The following RP1L1 variants were observed in gnomAD, a reference collection of about 807,000 sequenced individuals.
RP1L1 encodes retinitis pigmentosa 1-like 1 protein.
A neutral mutation model predicts 15.7 loss-of-function variants in RP1L1; 27 were observed. The ratio of observed to expected loss-of-function variants is 1.72; its 90% CI spans 1.27 to 2.38. The LOEUF (loss-of-function observed/expected upper bound fraction) is 2.38, where lower values mean the gene tolerates loss of function less well. Among genes scored for constraint, RP1L1 ranks in the 30% most tolerant of loss-of-function variants. The pLI is 0.00. For synonymous variants in RP1L1, 1,813 were observed against 1,276.7 expected, an observed-to-expected ratio of 1.42 and a Z score of -8.96; for missense variants, 4,798 against 3,075.9, an observed-to-expected ratio of 1.56 and a Z score of -13.24.
intron 1 of RP1L1, among the ~76,000 whole-genome samples, chr8:10,623,763 A>G (rs1034928352): frequency 1.3e-5 from 2 of 151,968 alleles, no homozygotes; most frequent in Admixed American, 6.6e-5. Flanking sequence ...CCATGTCCCC[A>G]GCATCACTAT....
At chr8:10,631,202 AAC>A (rs147917321) in intron 1 of RP1L1, among the ~76,000 whole-genome samples, 55,765 of 150,046 alleles carry the variant, frequency 0.37, 10,973 homozygotes, top group African/African-American at 0.41. Flanking sequence ...CACCTGCAAA[AAC>A]ACACACACAC....
chr8:10,618,357 A>G (rs1333652262), intron 2 of RP1L1, among the ~76,000 whole-genome samples: 1 of 152,040 alleles, frequency 6.6e-6, no homozygotes, highest in Non-Finnish European at 1.5e-5. Context: ...AAGAAAAAAA[A>G]ATTACTTGAG....
At chr8:10,642,164 A>C (rs762924876) in intron 1 of RP1L1, among the ~76,000 whole-genome samples, 37 of 152,256 alleles carry the variant, frequency 2.4e-4, no homozygotes, top group Non-Finnish European at 4.3e-4. Context: ...AATTATCTCA[A>C]AATGAAAGGT....
chr8:10,612,485 C>T lies in RP1L1; in HGVS notation c.1613G>A (p.Ser538Asn), dbSNP rs1372756563. ...EEGASSDSSA[S>N]TGSHEGSSEW... ...GCTGGATCCCTCATGAGAGCCGGTG[C>T]TGGCTGACGAGTCCGAAGAAGCCCC... is the stretch of plus-strand genomic sequence containing the variant. The change falls in exon 4 of 4, where the codon AGC becomes AAC. Residue 538 changes from serine (S) to asparagine (N), a missense_variant. Coordinates refer to ENST00000382483, the MANE Select transcript of RP1L1 (RefSeq NM_178857.6). The T allele has an allele frequency of 1.9e-6, 3 of 1,612,568 alleles. No individual in the cohort carries two copies. The highest frequency in any genetic ancestry group is 2.5e-6 in the Non-Finnish European group (3 of 1,179,996).
intron 1 of RP1L1, among the ~76,000 whole-genome samples, chr8:10,633,511 C>T (rs1261738361): frequency 6.6e-6 from 1 of 152,210 alleles, no homozygotes; most frequent in African/African-American, 2.4e-5. Flanking sequence ...CAACCTGGAG[C>T]ATGCTTCGCC....
At position 10,610,939 on chromosome 8, in the gene RP1L1, C is replaced by G; in HGVS notation, c.3159G>C (p.Glu1053Asp). 1 of 1,611,626 alleles carries G rather than the reference C, an allele frequency of 6.2e-7. No homozygotes were observed. The highest frequency in any genetic ancestry group is 8.5e-7 in the Non-Finnish European group (1 of 1,179,566). The change falls in exon 4 of 4, where the codon GAG becomes GAC. Residue 1053 changes from glutamate (E) to aspartate (D), a missense_variant. Glu to Asp is a conservative substitution (Grantham distance 45, BLOSUM62 2). Coordinates refer to ENST00000382483, the MANE Select transcript of RP1L1 (RefSeq NM_178857.6). ...TGTCTGCTCCGGCCTCTGCAGGGGC[C>G]TCGGAAACTCCCTCTGGAGCTGCCC... ...PQGAAPEGVS[E>D]APAEAGADRE...
At chr8:10,620,541 G>T (rs747478698) in intron 2 of RP1L1, among the ~76,000 whole-genome samples, 2 of 152,178 alleles carry the variant, frequency 1.3e-5, no homozygotes, top group Non-Finnish European at 2.9e-5. Flanking sequence ...AGGAGGCAGA[G>T]GTTGCAGTGA....
Position 10,616,469 on chromosome 8 carries a change from C to A in RP1L1, c.728G>T (p.Gly243Val). The part of the protein sequence containing the change: ...ARRSEAETLS[G>V]LTSRNKNGSW... Reference sequence around the variant, plus strand: ...ACCGTTTTTGTTTCTTGAAGTCAGCCCAGATAAAGTTTCAGCCTCGCTTCT... The same window carrying A: ...ACCGTTTTTGTTTCTTGAAGTCAGCACAGATAAAGTTTCAGCCTCGCTTCT... Residue 243 changes from glycine (G) to valine (V), a missense_variant, in exon 3 of 4, where the codon GGG (glycine) becomes GTG (valine). By Grantham distance (109) the Gly-to-Val change is moderately radical. Transcript: ENST00000382483. 1 of 1,614,192 alleles carries A rather than the reference C, an allele frequency of 6.2e-7. No individual in the cohort carries two copies. Among genetic ancestry groups the A allele is most frequent in the Non-Finnish European group, 8.5e-7 (1 of 1,180,024 alleles).
chr8:10,640,959 G>C (rs1798398168), intron 1 of RP1L1, among the ~76,000 whole-genome samples: 1 of 152,086 alleles, frequency 6.6e-6, no homozygotes, highest in Admixed American at 6.5e-5. Context: ...TTTGTAGAGA[G>C]GAGGTTTTTC....
At chr8:10,616,790 A>G (rs776235276) in intron 2 of RP1L1, among the ~76,000 whole-genome samples, 1 of 152,014 alleles carries the variant, frequency 6.6e-6, no homozygotes, top group East Asian at 1.9e-4. Flanking sequence ...CACCACCACG[A>G]TCTCCCGCTC....
rs753260358 is a variant in RP1L1 at position 10,611,685 on chromosome 8, G to C, written c.2413C>G (p.Pro805Ala). Reference protein sequence around the residue: ...EARDTPQPSSPLVLQVGRPEQ... With the variant: ...EARDTPQPSSALVLQVGRPEQ... ...GGCCGTCCAACCTGCAGAACCAAGG[G>C]TGAGGAGGGCTGAGGCGTGTCCCTG... The change falls in exon 4 of 4, where the codon CCC becomes GCC. Residue 805 changes from proline to alanine, a missense_variant. Pro to Ala is a conservative substitution (Grantham distance 27). Coordinates refer to ENST00000382483, the MANE Select transcript of RP1L1 (RefSeq NM_178857.6). 6.2e-7 allele frequency: 1 copy of C among 1,613,474 alleles called. No individual in the cohort carries two copies. Among genetic ancestry groups the C allele is most frequent in the Non-Finnish European group, 8.5e-7 (1 of 1,180,002 alleles).
At chr8:10,623,517 C>A (rs1002522631) in intron 1 of RP1L1, among the ~76,000 whole-genome samples, 110 of 130,512 alleles carry the variant, frequency 8.4e-4, no homozygotes, top group Middle Eastern at 4.9e-3. Context: ...CCAGAACCAC[C>A]ATGAAACCAG....
intron 2 of RP1L1, among the ~76,000 whole-genome samples, chr8:10,617,819 G>T (rs925054723): frequency 2.0e-5 from 3 of 152,150 alleles, no homozygotes; most frequent in African/African-American, 7.2e-5. Context: ...GCCTCCCAAA[G>T]TGCTGGGATT....
At position 10,606,764 on chromosome 8, in the gene RP1L1, T is replaced by C. The variant is rs935883693; in HGVS notation, c.*131A>G. On this transcript the variant is annotated 3_prime_UTR_variant, in exon 4 of 4. Transcript: ENST00000382483. ...GACAGCATGGCATGGGCTGTGTCCT[T>C]GGCAAGTCCTTGGTCTTTGTCCATG... The C allele has an allele frequency of 3.7e-5, 55 of 1,481,880 alleles. No individual in the cohort carries two copies. The highest frequency in any genetic ancestry group is 4.7e-5 in the Non-Finnish European group (52 of 1,103,828). 91.8% of individuals were successfully genotyped at this position (1,481,880 alleles called of 1,614,324 possible).
At chr8:10,637,219 G>C (rs569385407) in intron 1 of RP1L1, among the ~76,000 whole-genome samples, 3 of 152,168 alleles carry the variant, frequency 2.0e-5, no homozygotes, top group East Asian at 3.9e-4. Context: ...AGTAAGGGGC[G>C]TCCCCTTCAC....
At chr8:10,613,956 T>C (rs1229851514) in intron 3 of RP1L1, among the ~76,000 whole-genome samples, 1 of 152,242 alleles carries the variant, frequency 6.6e-6, no homozygotes, top group African/African-American at 2.4e-5. Flanking sequence ...GAGCCTGTTT[T>C]CTGAACCGTA....
rs1259319861 is a variant in RP1L1 at position 10,610,671 on chromosome 8, C to A, written c.3427G>T (p.Asp1143Tyr). Residue 1143 changes from aspartate to tyrosine, a missense_variant, in exon 4 of 4, where the codon GAC becomes TAC. Transcript: ENST00000382483. ...AGCAGCTCCTGGTACCGAGGGGAGT[C>A]TTTGAACCTCACTTTGCTGGCAGGA... ...GSPASKVRFK[D>Y]SPRYQELLSI... The A allele has an allele frequency of 6.2e-7, 1 of 1,612,338 alleles. No individual in the cohort carries two copies. The highest frequency in any genetic ancestry group is 2.2e-5 in the East Asian group (1 of 44,844).
At position 10,609,310 on chromosome 8, in the gene RP1L1, G is replaced by A. The variant is rs536918805; in HGVS notation, c.4788C>T (p.Thr1596=). The A allele has an allele frequency of 1.3e-4, 202 of 1,611,502 alleles. 1 individual carries two copies. In the South Asian group the frequency reaches 2.0e-3, roughly 16 times the overall value. The change falls in exon 4 of 4, where the codon ACC becomes ACT. Residue 1596 remains threonine, a synonymous_variant. Coordinates refer to ENST00000382483, the MANE Select transcript of RP1L1 (RefSeq NM_178857.6). The part of the protein sequence containing the change: ...MVLEPPREAL[T]GELLLQTQQR... Reference sequence around the variant, plus strand: ...GCTGGGTCTGCAGGAGCAGCTCCCCGGTGAGGGCCTCCCTTGGAGGCTCCA... The same window carrying A: ...GCTGGGTCTGCAGGAGCAGCTCCCCAGTGAGGGCCTCCCTTGGAGGCTCCA...
chr8:10,645,389 G>A (rs1251606056), intron 1 of RP1L1, among the ~76,000 whole-genome samples: 1 of 152,056 alleles, frequency 6.6e-6, no homozygotes, highest in Non-Finnish European at 1.5e-5. Flanking sequence ...AAGAATGAGG[G>A]ACACATAAGG....
Sources: gnomAD v4.1 joint callset for allele counts (sites outside exome capture counted in the v4.1 genomes callset) on GRCh38, gnomAD v4.1.1 for gene constraint, MANE v1.5 for transcripts, NCBI Gene and HGNC (gene_info 2026-07-23, HGNC 2026-07-21) for gene names.